Variants in CBFA2T3 observed in about 807,000 individuals in gnomAD.
CBFA2T3 encodes the protein CBFA2/RUNX1 partner transcriptional co-repressor 3.
CBFA2T3 carries 31 observed loss-of-function variants against 58.6 expected under a neutral mutation model. That is an observed-to-expected ratio of 0.53 (90% confidence interval 0.40 to 0.71). The LOEUF (loss-of-function observed/expected upper bound fraction) is 0.71, where lower values mean the gene tolerates loss of function less well. Among genes scored for constraint, CBFA2T3 ranks in the 30% least tolerant of loss-of-function variants. The probability of loss-of-function intolerance (pLI) is 0.00; values close to 1 mark genes in which losing one functional copy is unlikely to be tolerated. For synonymous variants in CBFA2T3, 531 were observed against 421.9 expected (o/e 1.26, Z -3.17); for missense variants, 1,076 against 963.1 (o/e 1.12, Z -1.55).
chr16:88,917,908 C>T (rs1391310748), intron 1 of CBFA2T3, among the ~76,000 whole-genome samples: 2 of 152,076 alleles, frequency 1.3e-5, no homozygotes, highest in Non-Finnish European at 2.9e-5. Context: ...ACAATCCCCT[C>T]TGTCCCTCCG....
chr16:88,891,481 G>C (rs908610156), intron 5 of CBFA2T3, among the ~76,000 whole-genome samples: 4 of 152,192 alleles, frequency 2.6e-5, no homozygotes, highest in African/African-American at 9.6e-5. Context: ...CCTGCTGCAT[G>C]TCCTGGGCCC....
Position 88,878,851 on chromosome 16 carries a change from C to T in CBFA2T3, c.1662+419G>A, listed in dbSNP as rs570198201. On this transcript the variant is annotated intron_variant, in intron 11 of 11. Transcript: ENST00000268679. ...ATCCCAGCTACTTGGGAGGCTGAGG[C>T]AGGAGAACCGCTTGAACCCGGGAGG... Among the ~76,000 whole-genome samples, 15 of 152,322 alleles carry T rather than the reference C, an allele frequency of 9.8e-5. No individual in the cohort carries two copies. In the East Asian group the frequency reaches 2.7e-3, roughly 27 times the overall value.
At chr16:88,911,705 T>C (rs1567602319) in intron 1 of CBFA2T3, among the ~76,000 whole-genome samples, 2 of 152,254 alleles carry the variant, frequency 1.3e-5, no homozygotes, top group Non-Finnish European at 2.9e-5. Flanking sequence ...CCGCTCGCCC[T>C]GGCCACCCAG....
In CBFA2T3 at chr16:88,876,552, G is replaced by A. The variant is rs543066326; in HGVS notation, c.*424C>T. On this transcript the variant is annotated 3_prime_UTR_variant, in exon 12 of 12. Coordinates refer to ENST00000268679, the MANE Select transcript of CBFA2T3 (RefSeq NM_005187.6). ...TGCTGAAAATATAAGCCACCAATTC[G>A]ATTTTTTCATTGAAGAGAAAGTGTG... The A allele has an allele frequency of 4.1e-6, 1 of 246,208 alleles. No individual in the cohort carries two copies. Among genetic ancestry groups the A allele is most frequent in the Non-Finnish European group, 7.8e-6 (1 of 127,648 alleles). 15.3% of individuals were successfully genotyped at this position (246,208 alleles called of 1,614,324 possible).
Position 88,892,329 on chromosome 16 carries a change from C to T in CBFA2T3, c.536G>A (p.Arg179His), listed in dbSNP as rs1259395071. 7.4e-6 allele frequency: 12 copies of T among 1,613,000 alleles called. No individual in the cohort carries two copies. Among genetic ancestry groups the T allele is most frequent in the South Asian group, 2.2e-5 (2 of 91,070 alleles). The change falls in exon 4 of 12, where the codon CGC (arginine) becomes CAC (histidine). Residue 179 changes from arginine (R) to histidine (H), a missense_variant. Physicochemically the swap from Arg to His is conservative, Grantham distance 29 (BLOSUM62 0). Coordinates refer to ENST00000268679, the MANE Select transcript of CBFA2T3 (RefSeq NM_005187.6). ...AAACTGCTGCAGTGTGGTGAGGAAG[C>T]GCTTGAGCTTGCTGAGCTGCCGGGC... is the stretch of plus-strand genomic sequence containing the variant. ...CGARQLSKLKRFLTTLQQFGS... is the reference protein window; with the variant it reads ...CGARQLSKLKHFLTTLQQFGS...
intron 3 of CBFA2T3, among the ~76,000 whole-genome samples, chr16:88,897,127 T>C (rs1433858877): frequency 6.6e-6 from 1 of 152,234 alleles, no homozygotes; most frequent in Non-Finnish European, 1.5e-5. Context: ...CCCCTGCTCC[T>C]TGCTGTGGGG....
At position 88,974,647 on chromosome 16, in the gene CBFA2T3, C is replaced by A. The variant is rs546155628; in HGVS notation, c.151+2010G>T. Among the ~76,000 whole-genome samples the A allele has an allele frequency of 4.5e-4, 68 of 152,332 alleles. 1 individual carries two copies. In the Middle Eastern group the frequency reaches 0.024, roughly 53 times the overall value. On this transcript the variant is annotated intron_variant, in intron 1 of 11. Coordinates refer to ENST00000268679, the MANE Select transcript of CBFA2T3 (RefSeq NM_005187.6). ...TACTGTTCTCCCCAGAGTTTAAAGC[C>A]AATCGGCCTGTTTTCAGGCCTCAAA... is the stretch of plus-strand genomic sequence containing the variant.
chr16:88,947,753 A>C (rs575118346), intron 1 of CBFA2T3, among the ~76,000 whole-genome samples: 5 of 152,212 alleles, frequency 3.3e-5, no homozygotes, highest in Admixed American at 3.3e-4. Context: ...ATCTCTACAA[A>C]TAATAAAAAA....
chr16:88,975,185 T>TGACCTGC (rs1482557315), intron 1 of CBFA2T3, among the ~76,000 whole-genome samples: 6 of 68,596 alleles, frequency 8.7e-5, no homozygotes, highest in African/African-American at 1.7e-4. Context: ...TCCACATCTT[T>TGACCTGC]AGCCATGTCA....
chr16:88,887,423 G>T (rs1229757199), intron 5 of CBFA2T3, among the ~76,000 whole-genome samples: 1 of 152,168 alleles, frequency 6.6e-6, no homozygotes, highest in Non-Finnish European at 1.5e-5. Context: ...TTAGGGCGGG[G>T]AGAACATCTG....
chr16:88,930,847 T>G (rs113261332), intron 1 of CBFA2T3, among the ~76,000 whole-genome samples: 457 of 16,102 alleles, frequency 0.028, 21 homozygotes, highest in African/African-American at 0.1. Flanking sequence ...GGGCAGACTG[T>G]GGGCTGGGGG....
chr16:88,922,906 C>T (rs1454623512), intron 1 of CBFA2T3, among the ~76,000 whole-genome samples: 1 of 152,174 alleles, frequency 6.6e-6, no homozygotes, highest in Non-Finnish European at 1.5e-5. Flanking sequence ...ACATAAACCT[C>T]TCACTCTTCC....
At chr16:88,891,592 G>A (rs894803418) in intron 5 of CBFA2T3, among the ~76,000 whole-genome samples, 2 of 152,198 alleles carry the variant, frequency 1.3e-5, no homozygotes, top group South Asian at 2.1e-4. Context: ...GAGGCGAACC[G>A]GACAGCTCTG....
At chr16:88,889,095 G>C (rs1348089401) in intron 5 of CBFA2T3, among the ~76,000 whole-genome samples, 1 of 151,788 alleles carries the variant, frequency 6.6e-6, no homozygotes, top group Non-Finnish European at 1.5e-5. Context: ...TTGGTAATAA[G>C]CAGGCGCACT....
rs750927871 is a variant in CBFA2T3 at position 88,975,632 on chromosome 16, G to C, written c.151+1025C>G. ...TCTGAGTCACCCATTCGGGAGAAAC[G>C]AACAGTAGCACTGGCTGTGGTGAGG... On this transcript the variant is annotated intron_variant, in intron 1 of 11. Transcript: ENST00000268679. Among the ~76,000 whole-genome samples, 6 of 152,268 alleles carry C rather than the reference G, an allele frequency of 3.9e-5. No individual in the cohort carries two copies. In the East Asian group the frequency reaches 1.2e-3, roughly 29 times the overall value.
Position 88,901,646 on chromosome 16 carries a change from G to C in CBFA2T3, c.162C>G (p.Asp54Glu). 1 of 1,530,536 alleles carries C rather than the reference G, an allele frequency of 6.5e-7. No individual in the cohort carries two copies. Among genetic ancestry groups the C allele is most frequent in the Non-Finnish European group, 8.7e-7 (1 of 1,150,298 alleles). 94.8% of individuals were successfully genotyped at this position (1,530,536 alleles called of 1,614,324 possible). A position where few individuals can be genotyped will look rare whatever the true frequency, so the allele number is the denominator to read the frequency against. Residue 54 changes from aspartate to glutamate, a missense_variant, in exon 2 of 12, where the codon GAC (aspartate) becomes GAG (glutamate). Asp to Glu is a conservative substitution (Grantham distance 45). Coordinates refer to ENST00000268679, the MANE Select transcript of CBFA2T3 (RefSeq NM_005187.6). ...GCATCGCTGAGGCCTTAGCTTTCCTGTCCACTGGGGCTGCGACCAACGGAG... is the reference window on the plus strand; with the variant it reads ...GCATCGCTGAGGCCTTAGCTTTCCTCTCCACTGGGGCTGCGACCAACGGAG... ...GPRKGGPAPV[D>E]RKAKASAMPD...
chr16:88,902,026 T>G (rs1313159482), intron 1 of CBFA2T3, among the ~76,000 whole-genome samples: 1 of 151,650 alleles, frequency 6.6e-6, no homozygotes, highest in Admixed American at 6.6e-5. Context: ...CCCCGGGGGG[T>G]GTTCAGACAG....
intron 7 of CBFA2T3, 180 bp downstream of exon 7, chr16:88,884,866 G>A: frequency 1.8e-6 from 1 of 559,116 alleles, no homozygotes; most frequent in Middle Eastern, 4.7e-4. Flanking sequence ...GCCCAGGACA[G>A]GCCCCTCTGC....
chr16:88,971,030 C>T (rs12447145), intron 1 of CBFA2T3, among the ~76,000 whole-genome samples: 1 of 151,462 alleles, frequency 6.6e-6, no homozygotes, highest in African/African-American at 2.4e-5. Context: ...TGCCGGAGGC[C>T]GACGCGGTGG....
Sources: allele counts gnomAD v4.1 joint callset (sites outside exome capture counted in the v4.1 genomes callset), GRCh38; gene constraint gnomAD v4.1.1; transcripts MANE v1.5; gene names NCBI Gene and HGNC (gene_info 2026-07-23, HGNC 2026-07-21).